Variants in HIPK2 observed in about 807,000 individuals in gnomAD.
HIPK2 encodes the protein homeodomain interacting protein kinase 2, also known as homeodomain-interacting protein kinase 2.
HIPK2 carries 27 observed loss-of-function variants against 113.7 expected under a neutral mutation model. The observed-to-expected ratio is 0.24, with a 90% CI of 0.17 to 0.33. The LOEUF (loss-of-function observed/expected upper bound fraction) is 0.33. Ranked by LOEUF, HIPK2 falls within the 10% of genes least tolerant of loss-of-function variation. HIPK2 has a pLI of 1.00. For missense variants in HIPK2, 1,257 were observed against 1,588.0 expected (o/e 0.79, Z 3.54); for synonymous variants, 631 against 642.2 (o/e 0.98, Z 0.26).
In HIPK2 at chr7:139,573,544, G is replaced by A. The variant is rs1046361647; in HGVS notation, c.3127-147C>T. On this transcript the variant is annotated intron_variant, in intron 14 of 14. Transcript: ENST00000406875. ...GGGCTTCCCTCTGTGTGTTGAGAAA[G>A]TAAAAATTTACTTGGGACCTGGCGC... 4 of 772,096 alleles carry A rather than the reference G, an allele frequency of 5.2e-6. No individual in the cohort carries two copies. The African/African-American group carries it at 7.0e-5, about 14-fold the overall frequency. 47.8% of individuals were successfully genotyped at this position (772,096 alleles called of 1,614,324 possible). A position where few individuals can be genotyped will look rare whatever the true frequency, so the allele number is the denominator to read the frequency against.
chr7:139,614,010 A>G (rs1799930264), intron 8 of HIPK2, among the ~76,000 whole-genome samples: 1 of 152,188 alleles, frequency 6.6e-6, no homozygotes, highest in African/African-American at 2.4e-5. Context: ...AGCACAAACT[A>G]TGTACTTATT....
intron 2 of HIPK2, among the ~76,000 whole-genome samples, chr7:139,634,189 C>A (rs1328074825): frequency 6.6e-6 from 1 of 152,060 alleles, no homozygotes; most frequent in East Asian, 1.9e-4. Context: ...TTCTAGAGTA[C>A]CAGTCACACT....
chr7:139,673,421 A>G (rs1411610715), intron 2 of HIPK2, among the ~76,000 whole-genome samples: 1 of 152,122 alleles, frequency 6.6e-6, no homozygotes, highest in Admixed American at 6.5e-5. Flanking sequence ...TTAGCTACCA[A>G]TGCCTCTGAG....
At chr7:139,705,421 G>A (rs1794861232) in intron 2 of HIPK2, among the ~76,000 whole-genome samples, 1 of 151,866 alleles carries the variant, frequency 6.6e-6, no homozygotes, top group South Asian at 2.1e-4. Flanking sequence ...ATGTCGCCCA[G>A]GCTGGAGTGC....
chr7:139,757,128 A>G (rs1175418303), intron 1 of HIPK2, among the ~76,000 whole-genome samples: 1 of 152,200 alleles, frequency 6.6e-6, no homozygotes, highest in Non-Finnish European at 1.5e-5. Flanking sequence ...TGAGACACAG[A>G]CACTTAGACA....
chr7:139,683,403 A>G lies in HIPK2; in HGVS notation c.1103+32529T>C, dbSNP rs1794115353. Among the ~76,000 whole-genome samples, 1 of 152,128 alleles carries G rather than the reference A, an allele frequency of 6.6e-6. No homozygotes were observed. Among genetic ancestry groups the G allele is most frequent in the Non-Finnish European group, 1.5e-5 (1 of 68,008 alleles). On this transcript the variant is annotated intron_variant, in intron 2 of 14. Transcript: ENST00000406875. This position sits in a 1 kb window ranked among gnomAD's most constrained non-coding sequence, Gnocchi z 4.2. ...TGAGGCTGCGATCAAGATGTTTCCA[A>G]GCTCCCCAAGGCAGCTGCGGTCTGT...
intron 1 of HIPK2, among the ~76,000 whole-genome samples, chr7:139,741,251 G>C (rs1796091840): frequency 6.6e-6 from 1 of 152,140 alleles, no homozygotes; most frequent in South Asian, 2.1e-4. Context: ...GGAATGGCTG[G>C]CTCTCTCTTT....
chr7:139,712,644 A>G (rs1473438546), intron 2 of HIPK2, among the ~76,000 whole-genome samples: 3 of 152,218 alleles, frequency 2.0e-5, no homozygotes, highest in Non-Finnish European at 4.4e-5. Flanking sequence ...AAGCATCTGA[A>G]AGCGTCTTCT....
At chr7:139,658,681 T>G (rs541831264) in intron 2 of HIPK2, among the ~76,000 whole-genome samples, 43 of 151,854 alleles carry the variant, frequency 2.8e-4, no homozygotes, top group African/African-American at 9.9e-4. Context: ...TACGGCAGAG[T>G]TGGGAGGTGC....
chr7:139,637,750 A>G (rs749803702), intron 2 of HIPK2, among the ~76,000 whole-genome samples: 6 of 152,228 alleles, frequency 3.9e-5, no homozygotes, highest in African/African-American at 1.2e-4. Flanking sequence ...AAGTGTTAAA[A>G]TATGGATTAA....
chr7:139,622,888 C>T (rs1015009506), intron 6 of HIPK2, among the ~76,000 whole-genome samples: 89 of 152,312 alleles, frequency 5.8e-4, no homozygotes, highest in African/African-American at 2.0e-3. Context: ...CTGATGCTCA[C>T]GGTCTCCATG....
At chr7:139,599,266 G>C (rs896529535) in intron 11 of HIPK2, among the ~76,000 whole-genome samples, 1 of 152,094 alleles carries the variant, frequency 6.6e-6, no homozygotes, top group Admixed American at 6.6e-5. Context: ...GTTTATTAAG[G>C]TATAACTGAC....
intron 9 of HIPK2, among the ~76,000 whole-genome samples, chr7:139,611,510 A>G (rs903835413): frequency 6.6e-6 from 1 of 152,216 alleles, no homozygotes; most frequent in African/African-American, 2.4e-5. Context: ...AATATTCATT[A>G]CAAAACTTAA....
At chr7:139,649,646 GCTC>G (rs1801385033) in intron 2 of HIPK2, among the ~76,000 whole-genome samples, 3 of 152,154 alleles carry the variant, frequency 2.0e-5, no homozygotes, top group Admixed American at 1.3e-4. Context: ...GAGCAACCCT[GCTC>G]CTCCCTGTCT....
chr7:139,664,617 A>G (rs2116581236), intron 2 of HIPK2, among the ~76,000 whole-genome samples: 1 of 151,972 alleles, frequency 6.6e-6, no homozygotes, highest in Non-Finnish European at 1.5e-5. Context: ...CCTTCCTGCT[A>G]TGGCGCAACA....
intron 12 of HIPK2, among the ~76,000 whole-genome samples, chr7:139,584,524 A>G (rs567374907): frequency 3.0e-4 from 46 of 152,342 alleles, no homozygotes; most frequent in African/African-American, 1.0e-3. Flanking sequence ...TCATAAGCTT[A>G]GGTTTGGTGC....
rs1569436808 is a variant in HIPK2, at chr7:139,568,463, T to TGG, written c.*4462_*4463dup. The TGG allele has an allele frequency of 6.6e-6, 1 of 152,162 alleles. No homozygotes were observed. The highest frequency in any genetic ancestry group is 1.5e-5 in the Non-Finnish European group (1 of 68,070). The allele number at this position is 152,162 out of a possible 1,614,324, so 9.4% of individuals were successfully genotyped here. On this transcript the variant is annotated 3_prime_UTR_variant, in exon 15 of 15. Coordinates refer to ENST00000406875, the MANE Select transcript of HIPK2 (RefSeq NM_022740.5). The stretch of plus-strand genomic sequence containing the variant: ...TGAAGAGGCCCTAAGCACAGAGACA[T>TGG]GGGGGCCCACGTCCAGACGGGCCAG...
At chr7:139,682,618 C>G (rs538041104) in intron 2 of HIPK2, among the ~76,000 whole-genome samples, 4 of 152,202 alleles carry the variant, frequency 2.6e-5, no homozygotes, top group Admixed American at 2.6e-4. Flanking sequence ...TTACTCATCT[C>G]CTCCCCACAG....
intron 2 of HIPK2, among the ~76,000 whole-genome samples, chr7:139,694,351 T>TCAGAGTGATTTCTGTCTA (rs1554445810): frequency 1.3e-5 from 2 of 152,190 alleles, no homozygotes; most frequent in Non-Finnish European, 2.9e-5. Flanking sequence ...AGCCCAGTGA[T>TCAGAGTGATTTCTGTCTA]AGATACCCAT....
Sources: allele counts gnomAD v4.1 joint callset (sites outside exome capture counted in the v4.1 genomes callset), GRCh38; gene constraint gnomAD v4.1.1; non-coding constraint Gnocchi (gnomAD v3.1); transcripts MANE v1.5; gene names NCBI Gene and HGNC (gene_info 2026-07-23, HGNC 2026-07-21).